MAGI3: variants seen among roughly 807,000 people sequenced by gnomAD.
The protein encoded by MAGI3 is membrane associated guanylate kinase, WW and PDZ domain containing 3.
MAGI3 carries 43 observed loss-of-function variants against 121.8 expected under a neutral mutation model. The observed-to-expected ratio is 0.35, with a 90% CI of 0.28 to 0.46. The LOEUF is 0.46. MAGI3 is among the 20% of genes least tolerant of loss of function. MAGI3 has a pLI of 1.00. For missense variants in MAGI3, 1,547 were observed against 1,797.3 expected (o/e 0.86, Z 2.52); for synonymous variants, 553 against 639.3 (o/e 0.86, Z 2.04).
chr1:113,587,759 T>C (rs963145801), intron 4 of MAGI3, among the ~76,000 whole-genome samples: 7 of 152,214 alleles, frequency 4.6e-5, no homozygotes, highest in Admixed American at 1.3e-4. Context: ...CTTTATTCAA[T>C]TGCTTGGAAC....
chr1:113,523,895 A>T (rs1013422216), intron 1 of MAGI3, among the ~76,000 whole-genome samples: 1 of 152,126 alleles, frequency 6.6e-6, no homozygotes, highest in African/African-American at 2.4e-5. Flanking sequence ...AGCCCCTTCC[A>T]TCACAGGCCT....
At chr1:113,428,762 G>C (rs1184274798) in intron 1 of MAGI3, among the ~76,000 whole-genome samples, 1 of 152,158 alleles carries the variant, frequency 6.6e-6, no homozygotes, top group Non-Finnish European at 1.5e-5. Context: ...TCTCAAGTTA[G>C]ACTCTAAATT....
intron 1 of MAGI3, among the ~76,000 whole-genome samples, chr1:113,486,061 C>T (rs1247321895): frequency 6.6e-6 from 1 of 152,180 alleles, no homozygotes; most frequent in African/African-American, 2.4e-5. Context: ...GTTTTAATGA[C>T]TATGGCCTTA....
At position 113,608,155 on chromosome 1, in the gene MAGI3, A is replaced by G. The variant is rs544859374; in HGVS notation, c.1019-6446A>G. 5.9e-5 allele frequency among the ~76,000 whole-genome samples: 9 copies of G among 152,202 alleles called. No individual in the cohort carries two copies. The South Asian group carries it at 1.7e-3, about 28-fold the overall frequency. On this transcript the variant is annotated intron_variant, in intron 6 of 20. Transcript: ENST00000307546. ...GTAACTAGATACCACACTCAGAGCA[A>G]TGATTTTTGACACATTCATCTGTAT...
At chr1:113,636,090 T>C (rs1652000954) in intron 9 of MAGI3, among the ~76,000 whole-genome samples, 1 of 152,210 alleles carries the variant, frequency 6.6e-6, no homozygotes. Flanking sequence ...TTATCATTTT[T>C]TATTGCATCT....
At chr1:113,612,337 A>T (rs1230178142) in intron 6 of MAGI3, among the ~76,000 whole-genome samples, 1 of 152,160 alleles carries the variant, frequency 6.6e-6, no homozygotes, top group South Asian at 2.1e-4. Flanking sequence ...GATTATGTTT[A>T]TCTTTATCTT....
At chr1:113,488,400 G>A (rs1208491608) in intron 1 of MAGI3, among the ~76,000 whole-genome samples, 1 of 152,244 alleles carries the variant, frequency 6.6e-6, no homozygotes, top group Non-Finnish European at 1.5e-5. Flanking sequence ...GATGAGGCAG[G>A]TCCAACCTGA....
At chr1:113,416,701 A>T (rs1652470299) in intron 1 of MAGI3, among the ~76,000 whole-genome samples, 1 of 150,662 alleles carries the variant, frequency 6.6e-6, no homozygotes, top group South Asian at 2.1e-4. Flanking sequence ...TATGAAGGAG[A>T]GCTGGTTTTA....
intron 7 of MAGI3, among the ~76,000 whole-genome samples, chr1:113,616,702 G>A (rs1650491957): frequency 6.6e-6 from 1 of 151,934 alleles, no homozygotes; most frequent in Non-Finnish European, 1.5e-5. Flanking sequence ...TAGAAATGCG[G>A]TCTTGATTAT....
At chr1:113,542,482 A>C (rs943300807) in intron 1 of MAGI3, among the ~76,000 whole-genome samples, 3 of 152,238 alleles carry the variant, frequency 2.0e-5, no homozygotes, top group Admixed American at 1.3e-4. Flanking sequence ...AAAACGTTAG[A>C]TAAAGAGGAA....
intron 6 of MAGI3, 115 bp from the exon 7 acceptor site, chr1:113,614,486 C>A (rs888650333): frequency 3.8e-6 from 3 of 784,038 alleles, no homozygotes; most frequent in Admixed American, 4.4e-5. Flanking sequence ...GAAAGTGAGC[C>A]CTCAGCTTTC....
chr1:113,482,076 AAAATT>A (rs1656140673), intron 1 of MAGI3, among the ~76,000 whole-genome samples: 2 of 152,062 alleles, frequency 1.3e-5, no homozygotes, highest in South Asian at 2.1e-4. Context: ...AACTTAATAT[AAAATT>A]AAATTTAAAT....
rs1386302702 is a variant in MAGI3 at position 113,497,367 on chromosome 1, G to A, written c.317-52148G>A. Among the ~76,000 whole-genome samples the A allele has an allele frequency of 6.1e-5, 7 of 114,900 alleles. 2 individuals are homozygous for A. Among genetic ancestry groups the A allele is most frequent in the East Asian group, 1.2e-3 (2 of 1,732 alleles). 75.4% of individuals were successfully genotyped at this position (114,900 alleles called of 152,430 possible). A position where few individuals can be genotyped will look rare whatever the true frequency, so the allele number is the denominator to read the frequency against. Reference sequence around the variant, plus strand: ...GCCAGTGTGTGTGCGCACCGTGCGCGAGCCGAAGCAGGGCGAGGCATTGCC... The same window carrying A: ...GCCAGTGTGTGTGCGCACCGTGCGCAAGCCGAAGCAGGGCGAGGCATTGCC... On this transcript the variant is annotated intron_variant, in intron 1 of 20. Transcript: ENST00000307546.
At chr1:113,633,039 G>A (rs1025991118) in intron 9 of MAGI3, among the ~76,000 whole-genome samples, 2 of 138,372 alleles carry the variant, frequency 1.4e-5, no homozygotes, top group African/African-American at 5.4e-5. Context: ...ATCTCCTAAT[G>A]CTATCCCTCC....
intron 9 of MAGI3, among the ~76,000 whole-genome samples, chr1:113,628,984 T>C (rs1651421944): frequency 6.6e-6 from 1 of 152,192 alleles, no homozygotes; most frequent in Admixed American, 6.5e-5. Context: ...TTCTCTGATA[T>C]TATCCCTTTG....
chr1:113,618,470 AATTGTTG>A, intron 7 of MAGI3: 1 of 436,372 alleles, frequency 2.3e-6, no homozygotes, highest in Non-Finnish European at 4.5e-6. Flanking sequence ...TTTGGTATTT[AATTGTTG>A]GTGTTCACTC....
At chr1:113,631,998 G>A (rs1651665835) in intron 9 of MAGI3, among the ~76,000 whole-genome samples, 2 of 152,110 alleles carry the variant, frequency 1.3e-5, no homozygotes, top group East Asian at 1.9e-4. Flanking sequence ...GTTGCTTTTT[G>A]CAGTGTTTGC....
chr1:113,463,935 T>TA (rs1655152830), intron 1 of MAGI3, among the ~76,000 whole-genome samples: 1 of 152,106 alleles, frequency 6.6e-6, no homozygotes. Flanking sequence ...TCCTATAACT[T>TA]ACAGAGATCA....
chr1:113,636,206 G>T (rs1361209987), intron 9 of MAGI3, among the ~76,000 whole-genome samples: 2 of 151,970 alleles, frequency 1.3e-5, no homozygotes, highest in African/African-American at 4.8e-5. Context: ...TTTTTGAAGG[G>T]TTTTTTGTGT....
Sources: allele counts gnomAD v4.1 joint callset (sites outside exome capture counted in the v4.1 genomes callset), GRCh38; gene constraint gnomAD v4.1.1; transcripts MANE v1.5; gene names NCBI Gene and HGNC (gene_info 2026-07-23, HGNC 2026-07-21).